The following ATRNL1 variants were observed in gnomAD, a reference collection of about 807,000 sequenced individuals.
ATRNL1 encodes attractin like 1.
In ATRNL1, 95 loss-of-function variants were observed where a neutral mutation model predicts 182.7. That is an observed-to-expected ratio of 0.52 (90% confidence interval 0.44 to 0.62). The LOEUF (loss-of-function observed/expected upper bound fraction) is 0.62, where lower values mean the gene tolerates loss of function less well. Among genes scored for constraint, ATRNL1 ranks in the 20% least tolerant of loss-of-function variants. The pLI is 0.00. For missense variants in ATRNL1, 1,471 were observed against 1,679.5 expected (o/e 0.88, Z 2.17); for synonymous variants, 576 against 568.3 (o/e 1.01, Z -0.19).
At chr10:115,868,230 C>A (rs1951484845) in intron 28 of ATRNL1, among the ~76,000 whole-genome samples, 1 of 152,036 alleles carries the variant, frequency 6.6e-6, no homozygotes, top group African/African-American at 2.4e-5. Flanking sequence ...AGCTCCTTTG[C>A]CTTCTCTTTC....
At chr10:115,316,486 G>T (rs1335283299) in intron 18 of ATRNL1, among the ~76,000 whole-genome samples, 2 of 152,044 alleles carry the variant, frequency 1.3e-5, no homozygotes, top group Non-Finnish European at 2.9e-5. Context: ...TAATAGGATT[G>T]CTGGGTCAAA....
chr10:115,254,975 G>C (rs1851053832), intron 10 of ATRNL1, among the ~76,000 whole-genome samples: 1 of 152,136 alleles, frequency 6.6e-6, no homozygotes, highest in Non-Finnish European at 1.5e-5. Context: ...TGAGGGCTCT[G>C]TTCTGTTCCA....
At chr10:115,911,067 C>T (rs1470613023) in intron 28 of ATRNL1, among the ~76,000 whole-genome samples, 1 of 152,058 alleles carries the variant, frequency 6.6e-6, no homozygotes, top group Non-Finnish European at 1.5e-5. Flanking sequence ...TGCAATAGTG[C>T]GATCTTAGCT....
chr10:115,553,844 A>G (rs1853149361), intron 26 of ATRNL1, among the ~76,000 whole-genome samples: 1 of 151,536 alleles, frequency 6.6e-6, no homozygotes, highest in South Asian at 2.1e-4. Flanking sequence ...GTTATAAAAT[A>G]TTCTCTGACG....
intron 28 of ATRNL1, among the ~76,000 whole-genome samples, chr10:115,903,772 A>G (rs781923435): frequency 6.6e-6 from 1 of 151,260 alleles, no homozygotes; most frequent in Non-Finnish European, 1.5e-5. Context: ...CTATGTTGTG[A>G]AGTGGTTTGC....
intron 28 of ATRNL1, among the ~76,000 whole-genome samples, chr10:115,861,991 A>G (rs1951328069): frequency 6.6e-6 from 1 of 152,168 alleles, no homozygotes; most frequent in Non-Finnish European, 1.5e-5. Flanking sequence ...CTTTATTCTC[A>G]GTGCTTTAAG....
intron 27 of ATRNL1, among the ~76,000 whole-genome samples, chr10:115,770,923 A>G (rs948929251): frequency 9.2e-5 from 14 of 152,304 alleles, no homozygotes; most frequent in African/African-American, 3.4e-4. Context: ...CTTTTAAAAT[A>G]TGTGGCTTCC....
At chr10:115,609,251 G>A (rs183497559) in intron 26 of ATRNL1, among the ~76,000 whole-genome samples, 16 of 152,002 alleles carry the variant, frequency 1.1e-4, no homozygotes, top group African/African-American at 3.4e-4. Flanking sequence ...TAGTTCTCCC[G>A]CACCCTGCTG....
chr10:115,270,610 G>T (rs1851819834), intron 13 of ATRNL1, among the ~76,000 whole-genome samples: 1 of 151,870 alleles, frequency 6.6e-6, no homozygotes, highest in Non-Finnish European at 1.5e-5. Context: ...CAGGAGTGCA[G>T]ATGGTGTAAG....
At chr10:115,823,938 A>G (rs797038282) in intron 27 of ATRNL1, among the ~76,000 whole-genome samples, 33 of 152,326 alleles carry the variant, frequency 2.2e-4, no homozygotes, top group African/African-American at 2.6e-4. Flanking sequence ...TTTAAATTTC[A>G]TATGGAACCA....
At chr10:115,515,561 A>T (rs1176691671) in intron 24 of ATRNL1, among the ~76,000 whole-genome samples, 1 of 151,818 alleles carries the variant, frequency 6.6e-6, no homozygotes. Flanking sequence ...TTTTTAAAAT[A>T]CTTTCTCTGT....
chr10:115,873,694 C>A (rs1951636606), intron 28 of ATRNL1, among the ~76,000 whole-genome samples: 1 of 152,158 alleles, frequency 6.6e-6, no homozygotes, highest in Admixed American at 6.5e-5. Flanking sequence ...TATTGATTGA[C>A]TATTTAGGTT....
intron 27 of ATRNL1, among the ~76,000 whole-genome samples, chr10:115,778,532 G>A (rs1329717658): frequency 6.6e-6 from 1 of 152,058 alleles, no homozygotes; most frequent in Non-Finnish European, 1.5e-5. Flanking sequence ...GTAAAGAAAG[G>A]GATAAGAATG....
At chr10:115,177,912 GTT>G (rs1410691720) in intron 8 of ATRNL1, among the ~76,000 whole-genome samples, 4 of 71,060 alleles carry the variant, frequency 5.6e-5, no homozygotes, top group Non-Finnish European at 9.1e-5. Context: ...TGTTTTTTTT[GTT>G]TTTTTTTTTG....
intron 18 of ATRNL1, among the ~76,000 whole-genome samples, chr10:115,324,854 T>G (rs1222617440): frequency 3.9e-5 from 6 of 152,172 alleles, no homozygotes; most frequent in African/African-American, 1.4e-4. Context: ...TATTCGTCTA[T>G]TCCACGTATA....
intron 21 of ATRNL1, among the ~76,000 whole-genome samples, chr10:115,431,148 T>C (rs1554963848): frequency 6.6e-6 from 1 of 152,138 alleles, no homozygotes; most frequent in South Asian, 2.1e-4. Flanking sequence ...GGCTCACGCC[T>C]GTAATGCCAA....
At chr10:115,615,928 G>T (rs2133790574) in intron 26 of ATRNL1, among the ~76,000 whole-genome samples, 1 of 152,278 alleles carries the variant, frequency 6.6e-6, no homozygotes, top group African/African-American at 2.4e-5. Flanking sequence ...GGGAGGCATT[G>T]CTATAAAGAT....
At chr10:115,151,840 G>A (rs1251371697) in intron 5 of ATRNL1, among the ~76,000 whole-genome samples, 1 of 152,156 alleles carries the variant, frequency 6.6e-6, no homozygotes, top group African/African-American at 2.4e-5. Flanking sequence ...GGTTTTTATA[G>A]TTTTAGGTCC....
intron 9 of ATRNL1, among the ~76,000 whole-genome samples, chr10:115,241,292 A>G (rs1301650279): frequency 6.6e-6 from 1 of 151,612 alleles, no homozygotes; most frequent in Non-Finnish European, 1.5e-5. Context: ...CTATCTTTGT[A>G]AATGAAAAAA....
Sources: gnomAD v4.1 joint callset for allele counts (sites outside exome capture counted in the v4.1 genomes callset) on GRCh38, gnomAD v4.1.1 for gene constraint, MANE v1.5 for transcripts, NCBI Gene and HGNC (gene_info 2026-07-23, HGNC 2026-07-21) for gene names.